BCAS1: variants seen among roughly 807,000 people sequenced by gnomAD.
BCAS1 encodes breast carcinoma-amplified sequence 1.
In BCAS1, 46 loss-of-function variants were observed where a neutral mutation model predicts 65.4. The ratio of observed to expected loss-of-function variants is 0.70; its 90% CI spans 0.55 to 0.90. BCAS1 has a LOEUF of 0.90. BCAS1 is among the 40% of genes least tolerant of loss of function. BCAS1 has a pLI of 0.00. For synonymous variants in BCAS1, 298 were observed against 293.5 expected (o/e 1.02, Z -0.16); for missense variants, 793 against 771.2 (o/e 1.03, Z -0.33).
At chr20:54,061,162 AC>A (rs2092372306) in intron 1 of BCAS1, among the ~76,000 whole-genome samples, 1 of 152,150 alleles carries the variant, frequency 6.6e-6, no homozygotes, top group African/African-American at 2.4e-5. Context: ...GGTAGCCGAA[AC>A]TCGAGGGGGT....
chr20:54,051,634 T>C (rs533085959), intron 3 of BCAS1, among the ~76,000 whole-genome samples: 1 of 152,198 alleles, frequency 6.6e-6, no homozygotes, highest in African/African-American at 2.4e-5. Context: ...CCTTCTAACA[T>C]AGCAAATGAT....
chr20:53,963,140 G>A (rs1332325499), intron 10 of BCAS1, among the ~76,000 whole-genome samples: 1 of 151,016 alleles, frequency 6.6e-6, no homozygotes, highest in Admixed American at 6.6e-5. Context: ...GTGAGCCACC[G>A]CGCCTGGCCT....
chr20:53,985,320 G>C lies in BCAS1; in HGVS notation c.1242C>G (p.Thr414=). The change falls in exon 8 of 13, where the codon ACC becomes ACG. Residue 414 remains threonine (T), a synonymous_variant. Coordinates refer to ENST00000688948, the MANE Select transcript of BCAS1 (RefSeq NM_001366298.2). ...AAAACAGTTTGCCCAGAGGCAGAGAGGTGGGTCCTGATTTCTCCTTGGTGC... is the reference window on the plus strand; with the variant it reads ...AAAACAGTTTGCCCAGAGGCAGAGACGTGGGTCCTGATTTCTCCTTGGTGC... ...KEGTKEKSGP[T]SLPLGKLFWK... 1 of 1,613,872 alleles carries C rather than the reference G, an allele frequency of 6.2e-7. No homozygotes were observed. The highest frequency in any genetic ancestry group is 2.2e-5 in the East Asian group (1 of 44,884).
At chr20:53,984,487 T>G (rs1473127095) in intron 8 of BCAS1, among the ~76,000 whole-genome samples, 1 of 152,236 alleles carries the variant, frequency 6.6e-6, no homozygotes, top group Non-Finnish European at 1.5e-5. Flanking sequence ...GCATCTGCAT[T>G]CATCATCTGC....
chr20:54,048,259 T>C (rs2092146911), intron 3 of BCAS1, among the ~76,000 whole-genome samples: 1 of 152,198 alleles, frequency 6.6e-6, no homozygotes, highest in Non-Finnish European at 1.5e-5. Flanking sequence ...CTACTTTCCT[T>C]TGCTCAATTC....
chr20:54,032,707 A>G (rs796266188), intron 3 of BCAS1, among the ~76,000 whole-genome samples: 2 of 151,476 alleles, frequency 1.3e-5, no homozygotes, highest in African/African-American at 4.8e-5. Flanking sequence ...TTAAACCAAC[A>G]AAGGTTAAAA....
chr20:53,964,799 GTT>G (rs10714790), intron 10 of BCAS1, among the ~76,000 whole-genome samples: 4 of 142,880 alleles, frequency 2.8e-5, no homozygotes, highest in Admixed American at 2.8e-4. Flanking sequence ...TGGTTTAGAG[GTT>G]TTTTTTTTTT....
intron 6 of BCAS1, among the ~76,000 whole-genome samples, chr20:53,994,413 AG>A (rs1297987493): frequency 6.6e-6 from 1 of 152,228 alleles, no homozygotes; most frequent in Non-Finnish European, 1.5e-5. Context: ...TGAAGAACCT[AG>A]GCTCTCTAGC....
chr20:54,044,317 T>C (rs1177584770), intron 3 of BCAS1, among the ~76,000 whole-genome samples: 1 of 152,160 alleles, frequency 6.6e-6, no homozygotes, highest in Non-Finnish European at 1.5e-5. Flanking sequence ...ACCCTGCCCA[T>C]GTTTTTATCT....
intron 11 of BCAS1, among the ~76,000 whole-genome samples, chr20:53,956,883 T>C (rs1426454064): frequency 2.0e-5 from 3 of 152,202 alleles, no homozygotes; most frequent in Non-Finnish European, 2.9e-5. Context: ...TATGTTTCTT[T>C]AGAATAAAGA....
chr20:53,953,222 C>G (rs777144921), intron 12 of BCAS1, among the ~76,000 whole-genome samples: 1 of 152,150 alleles, frequency 6.6e-6, no homozygotes, highest in Non-Finnish European at 1.5e-5. Context: ...AAATCTGGTT[C>G]AGAGAGGCAA....
At chr20:54,045,846 A>G (rs185882612) in intron 3 of BCAS1, among the ~76,000 whole-genome samples, 60 of 152,344 alleles carry the variant, frequency 3.9e-4, no homozygotes, top group African/African-American at 1.2e-3. Flanking sequence ...AAATTAATGA[A>G]TTGCCTCTAT....
intron 3 of BCAS1, among the ~76,000 whole-genome samples, chr20:54,042,989 T>C (rs2092027887): frequency 6.6e-6 from 1 of 152,244 alleles, no homozygotes; most frequent in South Asian, 2.1e-4. Context: ...TCTGAGCCTC[T>C]GCTTGGCAAA....
rs780428102 is a variant in BCAS1, at chr20:53,943,556, A to AT, written c.*1365dup. The stretch of plus-strand genomic sequence containing the variant: ...TAAAAGATACTTTAGAAGTAAATGT[A>AT]TTTTTTATTAAATCAGAAAAAGAAA... On this transcript the variant is annotated 3_prime_UTR_variant, in exon 13 of 13. Coordinates refer to ENST00000688948, the MANE Select transcript of BCAS1 (RefSeq NM_001366298.2). 2 of 152,224 alleles carry AT rather than the reference A, an allele frequency of 1.3e-5. No homozygotes were observed. The highest frequency in any genetic ancestry group is 2.9e-5 in the Non-Finnish European group (2 of 68,038). 9.4% of individuals were successfully genotyped at this position (152,224 alleles called of 1,614,324 possible). A position where few individuals can be genotyped will look rare whatever the true frequency, so the allele number is the denominator to read the frequency against.
At chr20:54,064,838 A>G (rs969603535) in intron 1 of BCAS1, among the ~76,000 whole-genome samples, 1 of 152,208 alleles carries the variant, frequency 6.6e-6, no homozygotes, top group African/African-American at 2.4e-5. Flanking sequence ...TGTGCTGAGC[A>G]GTTCTGATTT....
chr20:54,047,071 AG>A (rs2092122629), intron 3 of BCAS1, among the ~76,000 whole-genome samples: 1 of 152,074 alleles, frequency 6.6e-6, no homozygotes, highest in South Asian at 2.1e-4. Flanking sequence ...CTTTAATCAC[AG>A]GTCTGGTTCC....
At chr20:53,989,172 T>C (rs1483638736) in intron 7 of BCAS1, among the ~76,000 whole-genome samples, 1 of 151,996 alleles carries the variant, frequency 6.6e-6, no homozygotes, top group Admixed American at 6.6e-5. Context: ...AAAAATAGTC[T>C]AAAAAAGTAT....
intron 3 of BCAS1, 96 bp downstream of exon 3, chr20:54,057,989 G>A (rs1046570008): frequency 4.2e-6 from 4 of 955,042 alleles, no homozygotes; most frequent in East Asian, 5.2e-5. Context: ...CTGCGGCTTC[G>A]ACCCTTTCAT....
At chr20:53,951,329 G>T (rs1406408743) in intron 12 of BCAS1, among the ~76,000 whole-genome samples, 2 of 152,158 alleles carry the variant, frequency 1.3e-5, no homozygotes, top group African/African-American at 4.8e-5. Flanking sequence ...AAATTAGCCA[G>T]GCGTGGTGGC....
Sources: gnomAD v4.1 joint callset for allele counts (sites outside exome capture counted in the v4.1 genomes callset) on GRCh38, gnomAD v4.1.1 for gene constraint, MANE v1.5 for transcripts, NCBI Gene and HGNC (gene_info 2026-07-23, HGNC 2026-07-21) for gene names.